PCDH9: variants seen among roughly 807,000 people sequenced by gnomAD.
The protein encoded by PCDH9 is protocadherin-9.
Under a neutral mutation model 70.6 loss-of-function variants are expected in PCDH9, and 24 were observed. That is an observed-to-expected ratio of 0.34 (90% CI 0.25 to 0.48). PCDH9 has a LOEUF of 0.48. PCDH9 is among the 20% of genes least tolerant of loss of function. The probability of loss-of-function intolerance (pLI) is 0.99; values close to 1 mark genes in which losing one functional copy is unlikely to be tolerated. For missense variants in PCDH9, 1,281 were observed against 1,503.6 expected (o/e 0.85, Z 2.45); for synonymous variants, 562 against 558.5 (o/e 1.01, Z -0.09).
intron 2 of PCDH9, among the ~76,000 whole-genome samples, chr13:67,191,929 C>G (rs2088925532): frequency 6.6e-6 from 1 of 151,816 alleles, no homozygotes; most frequent in South Asian, 2.1e-4. Flanking sequence ...ACTCTGATTT[C>G]TTATTTGTAA....
At chr13:66,331,864 G>C (rs1447228577) in intron 4 of PCDH9, among the ~76,000 whole-genome samples, 1 of 152,182 alleles carries the variant, frequency 6.6e-6, no homozygotes, top group Non-Finnish European at 1.5e-5. Context: ...TAACTTCTAT[G>C]TTTATTTAGG....
At chr13:66,692,014 G>A (rs969705348) in intron 3 of PCDH9, among the ~76,000 whole-genome samples, 1 of 152,122 alleles carries the variant, frequency 6.6e-6, no homozygotes, top group Admixed American at 6.6e-5. Flanking sequence ...TTTGAGCTAT[G>A]AGGCATTGTG....
At chr13:66,356,975 T>G (rs1360757718) in intron 4 of PCDH9, among the ~76,000 whole-genome samples, 1 of 152,040 alleles carries the variant, frequency 6.6e-6, no homozygotes, top group East Asian at 1.9e-4. Flanking sequence ...CAATGCACTT[T>G]AAAGCCCGCC....
chr13:66,498,963 A>G (rs1959159479), intron 4 of PCDH9, among the ~76,000 whole-genome samples: 1 of 151,714 alleles, frequency 6.6e-6, no homozygotes. Flanking sequence ...GTCACATGGC[A>G]ATAGTTCACT....
intron 3 of PCDH9, among the ~76,000 whole-genome samples, chr13:66,821,164 T>C (rs1034218976): frequency 6.6e-6 from 1 of 152,184 alleles, no homozygotes; most frequent in African/African-American, 2.4e-5. Context: ...TATACAGTTA[T>C]AAGTTAAAGG....
At chr13:67,062,749 G>T (rs997389142) in intron 2 of PCDH9, among the ~76,000 whole-genome samples, 1 of 152,118 alleles carries the variant, frequency 6.6e-6, no homozygotes, top group Non-Finnish European at 1.5e-5. Flanking sequence ...ATGAATTTGT[G>T]TCCTAAGACA....
At chr13:67,228,878 C>T (rs1269518566) in intron 1 of PCDH9, among the ~76,000 whole-genome samples, 1 of 152,160 alleles carries the variant, frequency 6.6e-6, no homozygotes, top group Non-Finnish European at 1.5e-5. Context: ...TCTTCCCCTC[C>T]CCCTGTCTCA....
intron 2 of PCDH9, among the ~76,000 whole-genome samples, chr13:67,058,271 A>G (rs2085462007): frequency 6.6e-6 from 1 of 152,124 alleles, no homozygotes; most frequent in Admixed American, 6.6e-5. Flanking sequence ...CATACACATC[A>G]TCCAAGAAAA....
chr13:67,156,530 A>T (rs895935024), intron 2 of PCDH9, among the ~76,000 whole-genome samples: 2 of 151,954 alleles, frequency 1.3e-5, no homozygotes, highest in Non-Finnish European at 2.9e-5. Flanking sequence ...CTGGCCGTGG[A>T]GTGCCCCAAC....
chr13:66,882,303 A>T (rs2081935036), intron 3 of PCDH9, among the ~76,000 whole-genome samples: 1 of 152,138 alleles, frequency 6.6e-6, no homozygotes, highest in Admixed American at 6.5e-5. Context: ...TCCTCCATAA[A>T]TAATATTTAT....
intron 2 of PCDH9, among the ~76,000 whole-genome samples, chr13:67,134,156 C>A (rs755304021): frequency 2.6e-5 from 4 of 151,984 alleles, no homozygotes; most frequent in Non-Finnish European, 4.4e-5. Context: ...TGCAAGTCAG[C>A]GTTGACAAAA....
At chr13:66,795,144 C>T (rs2080221971) in intron 3 of PCDH9, among the ~76,000 whole-genome samples, 2 of 151,996 alleles carry the variant, frequency 1.3e-5, no homozygotes, top group Non-Finnish European at 2.9e-5. Context: ...ATTATCTCTT[C>T]TCTAACATGC....
intron 2 of PCDH9, among the ~76,000 whole-genome samples, chr13:67,108,248 C>G (rs2086586683): frequency 6.6e-6 from 1 of 152,150 alleles, no homozygotes; most frequent in Admixed American, 6.5e-5. Flanking sequence ...GTGTGGTCTG[C>G]CATGGAGGTT....
At chr13:66,943,235 T>C (rs2083034633) in intron 2 of PCDH9, among the ~76,000 whole-genome samples, 1 of 152,034 alleles carries the variant, frequency 6.6e-6, no homozygotes, top group Non-Finnish European at 1.5e-5. Flanking sequence ...TAAAATGTGT[T>C]TTCCCTCCTT....
At chr13:66,902,757 C>A (rs1250499234) in intron 3 of PCDH9, among the ~76,000 whole-genome samples, 1 of 151,534 alleles carries the variant, frequency 6.6e-6, no homozygotes, top group Non-Finnish European at 1.5e-5. Flanking sequence ...CGACTGAACT[C>A]TACACTTAAA....
intron 3 of PCDH9, among the ~76,000 whole-genome samples, chr13:66,787,257 T>C (rs1037862148): frequency 3.3e-5 from 5 of 152,300 alleles, no homozygotes; most frequent in Admixed American, 3.3e-4. Flanking sequence ...ACTTTTTATA[T>C]GTGAGCCTGT....
At chr13:67,014,184 C>T (rs17082025) in intron 2 of PCDH9, among the ~76,000 whole-genome samples, 24,934 of 151,978 alleles carry the variant, frequency 0.16, 2,167 homozygotes, top group Middle Eastern at 0.25. Context: ...GCTTACGATA[C>T]ACACTTTTTA....
intron 4 of PCDH9, among the ~76,000 whole-genome samples, chr13:66,505,187 T>A (rs998558130): frequency 1.3e-5 from 2 of 152,188 alleles, no homozygotes; most frequent in Admixed American, 6.6e-5. Flanking sequence ...TCCTTATTTT[T>A]AAAAATATTT....
chr13:66,679,700 ATG>A (rs2078292432), intron 3 of PCDH9, among the ~76,000 whole-genome samples: 1 of 151,934 alleles, frequency 6.6e-6, no homozygotes, highest in Non-Finnish European at 1.5e-5. Flanking sequence ...TTATTTAAAT[ATG>A]TTATCCAGGA....
Sources: allele counts gnomAD v4.1 joint callset (sites outside exome capture counted in the v4.1 genomes callset), GRCh38; gene constraint gnomAD v4.1.1; transcripts MANE v1.5; gene names NCBI Gene and HGNC (gene_info 2026-07-23, HGNC 2026-07-21).